SPRY3: variants seen among roughly 807,000 people sequenced by gnomAD.
The protein encoded by SPRY3 is protein sprouty homolog 3.
SPRY3 carries 15 observed loss-of-function variants against 20.2 expected under a neutral mutation model. The ratio of observed to expected loss-of-function variants is 0.74; its 90% CI spans 0.50 to 1.14. The LOEUF (loss-of-function observed/expected upper bound fraction) is 1.14. Among genes scored for constraint, SPRY3 ranks in the 50% most tolerant of loss-of-function variants. The pLI, the probability that SPRY3 is intolerant of heterozygous loss-of-function variation, is 0.00. For synonymous variants in SPRY3, 143 were observed against 136.5 expected (o/e 1.05, Z -0.33); for missense variants, 364 against 363.9 (o/e 1.00, Z 0.00).
intron 1 of SPRY3, among the ~76,000 whole-genome samples, chrX:155,613,681 G>A (rs1407273998): frequency 2.7e-5 from 3 of 111,930 alleles, no homozygotes; most frequent in Non-Finnish European, 5.6e-5. Context: ...AATTCCTTCT[G>A]CCATGAATGC....
intron 2 of SPRY3, among the ~76,000 whole-genome samples, chrX:155,723,763 G>C (rs1332223009): frequency 6.6e-6 from 1 of 152,026 alleles, no homozygotes; most frequent in African/African-American, 2.4e-5. Flanking sequence ...AGTTTCTTTT[G>C]CTGTGCAGAA....
intron 3 of SPRY3, among the ~76,000 whole-genome samples, chrX:155,768,700 C>T (rs1263619207): frequency 6.6e-6 from 1 of 152,184 alleles, no homozygotes; most frequent in Non-Finnish European, 1.5e-5. Context: ...ATCTCTGTAT[C>T]CGTGCCTGGG....
At chrX:155,667,795 T>C (rs1208742074) in intron 2 of SPRY3, among the ~76,000 whole-genome samples, 1 of 111,542 alleles carries the variant, frequency 9.0e-6, no homozygotes, top group Non-Finnish European at 1.9e-5. Context: ...TAATTAAAAA[T>C]GGGTCAAAGA....
intron 2 of SPRY3, among the ~76,000 whole-genome samples, chrX:155,766,261 C>G (rs888123879): frequency 2.0e-5 from 3 of 152,116 alleles, no homozygotes; most frequent in Non-Finnish European, 4.4e-5. Flanking sequence ...TTTTTTAAAT[C>G]TCATTATTTC....
intron 2 of SPRY3, among the ~76,000 whole-genome samples, chrX:155,767,559 A>G (rs1328452742): frequency 1.6e-5 from 2 of 122,444 alleles, no homozygotes; most frequent in Non-Finnish European, 3.3e-5. Context: ...GCGAAAGAGG[A>G]GGGGGAGGAG....
At chrX:155,751,926 A>AATAAAAT (rs1356621614) in intron 2 of SPRY3, among the ~76,000 whole-genome samples, 13 of 25,964 alleles carry the variant, frequency 5.0e-4, no homozygotes, top group African/African-American at 2.1e-3. Flanking sequence ...AGGGAAGGGA[A>AATAAAAT]ATAAAATAAA....
chrX:155,708,826 C>A (rs2090968576), intron 2 of SPRY3, among the ~76,000 whole-genome samples: 1 of 151,302 alleles, frequency 6.6e-6, no homozygotes, highest in Admixed American at 6.6e-5. Flanking sequence ...GTTATGCTAT[C>A]AAATACTAGA....
intron 3 of SPRY3, among the ~76,000 whole-genome samples, chrX:155,770,339 C>T (rs181104618): frequency 2.5e-4 from 38 of 152,276 alleles, no homozygotes; most frequent in African/African-American, 8.7e-4. Flanking sequence ...AATACATTTT[C>T]TTTCATTAAC....
At chrX:155,743,867 T>C (rs2091214270) in intron 2 of SPRY3, among the ~76,000 whole-genome samples, 1 of 152,112 alleles carries the variant, frequency 6.6e-6, no homozygotes, top group African/African-American at 2.4e-5. Flanking sequence ...CTTGAAAACA[T>C]TATGCTAAGA....
At position 155,696,212 on chromosome X, in the gene SPRY3, AACAC is replaced by A. The variant is rs201511557; in HGVS notation, c.-282+39207_-282+39210del. ...TCAAGTGTTTATTACATACACACAC[AACAC>A]ACACACACACACACACACATATATA... On this transcript the variant is annotated intron_variant, in intron 2 of 3. Coordinates refer to ENST00000675360, the Ensembl canonical transcript of SPRY3. 7.3e-3 allele frequency among the ~76,000 whole-genome samples: 752 copies of A among 103,447 alleles called. 6 individuals are homozygous for A. Among genetic ancestry groups the A allele is most frequent in the African/African-American group, 0.025 (714 of 28,214 alleles). The allele number at this position is 103,447 out of a possible 115,157, so 89.8% of individuals were successfully genotyped here.
chrX:155,626,045 C>A (rs892717417), intron 1 of SPRY3, among the ~76,000 whole-genome samples: 4 of 111,160 alleles, frequency 3.6e-5, no homozygotes, highest in Non-Finnish European at 7.6e-5. Flanking sequence ...TGTGTAAATA[C>A]ATTCTCATTT....
chrX:155,728,367 G>A (rs1484751369), intron 2 of SPRY3, among the ~76,000 whole-genome samples: 1 of 152,198 alleles, frequency 6.6e-6, no homozygotes, highest in Non-Finnish European at 1.5e-5. Context: ...GGACATTTAA[G>A]TCTGCACAAG....
At chrX:155,724,464 G>A (rs2091084088) in intron 2 of SPRY3, among the ~76,000 whole-genome samples, 1 of 152,080 alleles carries the variant, frequency 6.6e-6, no homozygotes, top group Non-Finnish European at 1.5e-5. Context: ...ATTTCGTTGA[G>A]CAGTGGTTTG....
At chrX:155,731,545 A>G (rs772272488) in intron 2 of SPRY3, among the ~76,000 whole-genome samples, 1 of 152,246 alleles carries the variant, frequency 6.6e-6, no homozygotes, top group African/African-American at 2.4e-5. Flanking sequence ...ATCTCAAACT[A>G]TGAAACTACT....
intron 2 of SPRY3, among the ~76,000 whole-genome samples, chrX:155,673,560 GC>G: frequency 4.5e-5 from 5 of 111,559 alleles, no homozygotes; most frequent in Non-Finnish European, 9.4e-5. Context: ...TGCCCTTCCA[GC>G]CACCCTGACT....
chrX:155,757,201 C>A (rs2091286704), intron 2 of SPRY3, among the ~76,000 whole-genome samples: 1 of 152,146 alleles, frequency 6.6e-6, no homozygotes, highest in Admixed American at 6.5e-5. Flanking sequence ...GTTTCATTTA[C>A]TACTAATCTT....
At chrX:155,717,256 G>A (rs1450305354) in intron 2 of SPRY3, among the ~76,000 whole-genome samples, 1 of 151,346 alleles carries the variant, frequency 6.6e-6, no homozygotes, top group Non-Finnish European at 1.5e-5. Context: ...AAGGATGTAT[G>A]GAGAGCTTAA....
At chrX:155,679,307 G>C (rs1409221035) in intron 2 of SPRY3, among the ~76,000 whole-genome samples, 1 of 111,618 alleles carries the variant, frequency 9.0e-6, no homozygotes, top group Non-Finnish European at 1.9e-5. Context: ...CTGAGGCTAG[G>C]TAACTTATAA....
intron 1 of SPRY3, among the ~76,000 whole-genome samples, chrX:155,630,234 C>T (rs1362095555): frequency 8.9e-6 from 1 of 112,154 alleles, no homozygotes; most frequent in African/African-American, 3.2e-5. Flanking sequence ...GTCCTTCAAT[C>T]GCCATACTAA....
Sources: allele counts gnomAD v4.1 joint callset (sites outside exome capture counted in the v4.1 genomes callset), GRCh38; gene constraint gnomAD v4.1.1; transcripts MANE v1.5; gene names NCBI Gene and HGNC (gene_info 2026-07-23, HGNC 2026-07-21).